DOCK10: variants seen among roughly 807,000 people sequenced by gnomAD.
The protein encoded by DOCK10 is dedicator of cytokinesis protein 10.
A neutral mutation model predicts 280.1 loss-of-function variants in DOCK10; 145 were observed. The ratio of observed to expected loss-of-function variants is 0.52; its 90% CI spans 0.45 to 0.59. The LOEUF (loss-of-function observed/expected upper bound fraction) is 0.59, where lower values mean the gene tolerates loss of function less well. Ranked by LOEUF, DOCK10 falls within the 20% of genes least tolerant of loss-of-function variation. The probability of loss-of-function intolerance (pLI) is 0.00; values close to 1 mark genes in which losing one functional copy is unlikely to be tolerated. For synonymous variants in DOCK10, 915 were observed against 942.2 expected, an observed-to-expected ratio of 0.97 and a Z score of 0.53; for missense variants, 2,368 against 2,651.7, an observed-to-expected ratio of 0.89 and a Z score of 2.35.
chr2:225,000,582 C>G (rs1027120599), intron 1 of DOCK10, among the ~76,000 whole-genome samples: 1 of 152,162 alleles, frequency 6.6e-6, no homozygotes, highest in Admixed American at 6.5e-5. Flanking sequence ...TCTACGCCAA[C>G]AGTAGGGCGG....
chr2:224,765,763 CG>C lies in DOCK10; in HGVS notation c.6518del (p.Pro2173ArgfsTer80), dbSNP rs746792909. The C allele has an allele frequency of 2.5e-6, 4 of 1,613,836 alleles. No homozygotes were observed. Among genetic ancestry groups the C allele is most frequent in the Non-Finnish European group, 3.4e-6 (4 of 1,179,846 alleles). ...ATGAGATGGAGACCGTGGGTAGGGC[CG>C]GAGTTGCTTTGCTAATTACTCGAGT... ...TCTRVISKATPALPTVSISSS... is the reference protein window; with the variant it reads ...TCTRVISKATXALPTVSISSS... On this transcript the variant is annotated frameshift_variant, in exon 56 of 56. Transcript: ENST00000258390. LOFTEE classifies it low-confidence loss of function (END_TRUNC).
At chr2:224,983,927 G>C in intron 1 of DOCK10, 1 of 467,616 alleles carries the variant, frequency 2.1e-6, no homozygotes, top group South Asian at 1.6e-5. Context: ...AAACAACTAG[G>C]GCATTTACTG....
chr2:224,931,785 A>C (rs975917767), intron 1 of DOCK10, 117 bp from the exon 2 acceptor site: 1 of 1,138,578 alleles, frequency 8.8e-7, no homozygotes, highest in African/African-American at 1.6e-5. Context: ...CAATCCTTCC[A>C]ATGCAGTCAC....
intron 1 of DOCK10, among the ~76,000 whole-genome samples, chr2:224,933,438 G>C (rs1702511148): frequency 6.6e-6 from 1 of 152,044 alleles, no homozygotes; most frequent in African/African-American, 2.4e-5. Context: ...TCAGCTGTAG[G>C]CCTCAGTAGT....
chr2:225,036,682 TA>T (rs1410116721), intron 1 of DOCK10, among the ~76,000 whole-genome samples: 1 of 150,916 alleles, frequency 6.6e-6, no homozygotes, highest in Non-Finnish European at 1.5e-5. Context: ...AGGAAAAAAA[TA>T]TCTTGTCTCT....
At chr2:224,966,928 G>A (rs933530389) in intron 1 of DOCK10, among the ~76,000 whole-genome samples, 1 of 151,986 alleles carries the variant, frequency 6.6e-6, no homozygotes, top group Non-Finnish European at 1.5e-5. Context: ...ACATTTCATG[G>A]TATCAGGGAT....
intron 4 of DOCK10, among the ~76,000 whole-genome samples, chr2:224,891,465 A>G (rs1699654718): frequency 6.6e-6 from 1 of 152,242 alleles, no homozygotes; most frequent in East Asian, 1.9e-4. Flanking sequence ...AGAGCTTCAG[A>G]CAAATGATTG....
chr2:224,953,375 A>G (rs1703869949), intron 1 of DOCK10, among the ~76,000 whole-genome samples: 1 of 152,198 alleles, frequency 6.6e-6, no homozygotes, highest in African/African-American at 2.4e-5. Flanking sequence ...CTGTCATAGG[A>G]AAAACAAGAC....
At chr2:224,966,372 T>C (rs1348193509) in intron 1 of DOCK10, among the ~76,000 whole-genome samples, 1 of 149,546 alleles carries the variant, frequency 6.7e-6, no homozygotes. Context: ...ATGGCCTCTT[T>C]GCATTAGCAT....
intron 1 of DOCK10, among the ~76,000 whole-genome samples, chr2:224,960,172 T>A (rs750259185): frequency 8.5e-5 from 13 of 152,194 alleles, no homozygotes; most frequent in Non-Finnish European, 1.9e-4. Context: ...ACATTTATTA[T>A]CATTATTATA....
intron 38 of DOCK10, among the ~76,000 whole-genome samples, chr2:224,804,533 T>C (rs1246701143): frequency 6.6e-6 from 1 of 152,062 alleles, no homozygotes; most frequent in Non-Finnish European, 1.5e-5. Context: ...AAATTCATTC[T>C]GAAGATACAT....
chr2:224,854,552 TG>T (rs1696977082), intron 16 of DOCK10, among the ~76,000 whole-genome samples: 1 of 152,184 alleles, frequency 6.6e-6, no homozygotes, highest in African/African-American at 2.4e-5. Context: ...ACTCCCTCAA[TG>T]GGAGAATATA....
At position 224,931,614 on chromosome 2, in the gene DOCK10, G is replaced by A; in HGVS notation, c.178C>T (p.Leu60Phe). 1 of 1,611,786 alleles carries A rather than the reference G, an allele frequency of 6.2e-7. No individual in the cohort carries two copies. Among genetic ancestry groups the A allele is most frequent in the Non-Finnish European group, 8.5e-7 (1 of 1,178,968 alleles). Residue 60 changes from leucine to phenylalanine, a missense_variant, in exon 2 of 56, where the codon CTT (leucine) becomes TTT (phenylalanine). Coordinates refer to ENST00000258390, the MANE Select transcript of DOCK10 (RefSeq NM_014689.3). ...GGATCATTCCGGTAGGTCTTTTCAA[G>A]TTCTTCAATGACAGTCTCATAATCC... ...PLDYETVIEE[L>F]EKTYRNDPLQ...
intron 1 of DOCK10, among the ~76,000 whole-genome samples, chr2:224,956,632 A>C (rs994176019): frequency 7.2e-6 from 1 of 138,330 alleles, no homozygotes; most frequent in Non-Finnish European, 1.6e-5. Flanking sequence ...TCAGAAAAAA[A>C]AAAAAAAAAA....
chr2:224,895,011 TTTCATCCTTA>T (rs1559687979), intron 4 of DOCK10, among the ~76,000 whole-genome samples: 5 of 152,202 alleles, frequency 3.3e-5, no homozygotes, highest in African/African-American at 1.2e-4. Flanking sequence ...ATTACGCCCC[TTTCATCCTTA>T]AGCTCTAGCC....
At chr2:224,804,997 T>C (rs1374598878) in intron 37 of DOCK10, 61 bp downstream of exon 37, 109 of 1,418,152 alleles carry the variant, frequency 7.7e-5, no homozygotes, top group Non-Finnish European at 7.7e-6. Context: ...TGAAACATGG[T>C]ATAGTGGACT....
At chr2:225,006,689 T>G (rs1229555425) in intron 1 of DOCK10, among the ~76,000 whole-genome samples, 2 of 152,232 alleles carry the variant, frequency 1.3e-5, no homozygotes, top group Non-Finnish European at 2.9e-5. Flanking sequence ...GGTTTCAATC[T>G]ATGTTTGGAG....
At position 224,803,992 on chromosome 2, in the gene DOCK10, A is replaced by G. The variant is rs899391120; in HGVS notation, c.4268+120T>C. On this transcript the variant is annotated intron_variant, in intron 39 of 55. Coordinates refer to ENST00000258390, the MANE Select transcript of DOCK10 (RefSeq NM_014689.3). ...ATCTGCACTTGGTTTGAATATATAA[A>G]TAGAAATATGTGTGTGTGTGTGTGT... The G allele has an allele frequency of 8.3e-5, 49 of 586,964 alleles. 1 individual carries two copies. In the South Asian group the frequency reaches 1.1e-3, roughly 14 times the overall value. 36.4% of individuals were successfully genotyped at this position (586,964 alleles called of 1,614,324 possible).
chr2:224,775,071 C>T lies in DOCK10; in HGVS notation c.5847G>A (p.Val1949=). 1 of 1,614,038 alleles carries T rather than the reference C, an allele frequency of 6.2e-7. No homozygotes were observed. Among genetic ancestry groups the T allele is most frequent in the East Asian group, 2.2e-5 (1 of 44,882 alleles). Residue 1949 remains valine (V), a synonymous_variant, in exon 52 of 56, where the codon GTG becomes GTA. Transcript: ENST00000258390. Reference sequence around the variant, plus strand: ...CCTCAAAGAACGGCGTCACATAGGTCACCTGGATGTAGGCATATTTGGGGT... The same window carrying T: ...CCTCAAAGAACGGCGTCACATAGGTTACCTGGATGTAGGCATATTTGGGGT... The part of the protein sequence containing the change: ...DLDPKYAYIQ[V]TYVTPFFEEK...
Sources: gnomAD v4.1 joint callset for allele counts (sites outside exome capture counted in the v4.1 genomes callset) on GRCh38, gnomAD v4.1.1 for gene constraint, MANE v1.5 for transcripts, NCBI Gene and HGNC (gene_info 2026-07-23, HGNC 2026-07-21) for gene names.